FSTL4: variants seen among roughly 807,000 people sequenced by gnomAD.
The protein encoded by FSTL4 is follistatin-related protein 4.
In FSTL4, 28 loss-of-function variants were observed where a neutral mutation model predicts 78.2. The observed-to-expected ratio is 0.36, with a 90% CI of 0.27 to 0.49. The LOEUF (loss-of-function observed/expected upper bound fraction) is 0.49, where lower values mean the gene tolerates loss of function less well. Among genes scored for constraint, FSTL4 ranks in the 20% least tolerant of loss-of-function variants. The pLI, the probability that FSTL4 is intolerant of heterozygous loss-of-function variation, is 0.98. For missense variants in FSTL4, 922 were observed against 1,084.9 expected, an observed-to-expected ratio of 0.85 and a Z score of 2.11; for synonymous variants, 422 against 440.5, an observed-to-expected ratio of 0.96 and a Z score of 0.53.
At chr5:133,736,849 A>C in the FSTL4 span, among the ~76,000 whole-genome samples, 1 of 152,202 alleles carries the variant, frequency 6.6e-6, no homozygotes, top group Non-Finnish European at 1.5e-5. Context: ...TCATAGGTCC[A>C]GCAATGTGAG....
chr5:133,358,403 G>C (rs1301012950), intron 4 of FSTL4, among the ~76,000 whole-genome samples: 4 of 152,012 alleles, frequency 2.6e-5, no homozygotes, highest in Admixed American at 2.6e-4. Context: ...ACGGCCTTAC[G>C]TGTTGTTCTC....
At chr5:133,232,810 C>G (rs538137059) in intron 8 of FSTL4, among the ~76,000 whole-genome samples, 1 of 152,294 alleles carries the variant, frequency 6.6e-6, no homozygotes, top group South Asian at 2.1e-4. Context: ...GCTGGGAAAA[C>G]CCTGGCTACT....
intron 7 of FSTL4, among the ~76,000 whole-genome samples, chr5:133,249,086 C>T (rs552348773): frequency 6.6e-6 from 1 of 152,350 alleles, no homozygotes; most frequent in African/African-American, 2.4e-5. Flanking sequence ...TCTCTCTGAG[C>T]CCTGTGAGCA....
chr5:133,604,829 T>G (rs545744429), intron 1 of FSTL4, among the ~76,000 whole-genome samples: 1 of 152,156 alleles, frequency 6.6e-6, no homozygotes, highest in East Asian at 1.9e-4. Context: ...TATCTTAGTT[T>G]CAAGACCAAC....
chr5:133,426,139 CT>C lies in FSTL4; in HGVS notation c.161-25154del, dbSNP rs1291568290. 6.6e-6 allele frequency among the ~76,000 whole-genome samples: 1 copy of C among 152,172 alleles called. No individual in the cohort carries two copies. Among genetic ancestry groups the C allele is most frequent in the Non-Finnish European group, 1.5e-5 (1 of 68,032 alleles). On this transcript the variant is annotated intron_variant, in intron 3 of 15. Coordinates refer to ENST00000265342, the MANE Select transcript of FSTL4 (RefSeq NM_015082.2). This position sits in a 1 kb window ranked among gnomAD's most constrained non-coding sequence, Gnocchi z 5.0. ...TGCCCCAACATCCCTGAGAGTGTGC[CT>C]TTGATCTCAAAAGAAGTCATCTTTC...
rs899724634 is a variant in FSTL4 at position 133,612,339 on chromosome 5, G to A, written c.-25C>T. The A allele has an allele frequency of 6.7e-6, 1 of 149,528 alleles. No individual in the cohort carries two copies. Among genetic ancestry groups the A allele is most frequent in the Non-Finnish European group, 1.5e-5 (1 of 67,080 alleles). 9.3% of individuals were successfully genotyped at this position (149,528 alleles called of 1,614,324 possible). A position where few individuals can be genotyped will look rare whatever the true frequency, so the allele number is the denominator to read the frequency against. On this transcript the variant is annotated 5_prime_UTR_variant, in exon 1 of 16. Transcript: ENST00000265342. The surrounding 1 kb of genome is among the most constrained non-coding windows in gnomAD (Gnocchi z 6.2). ...CGCCCGCGTACCTGAGACGGCCGGG[G>A]CCGAGGGGAAGACCAGGTGGCCGGA...
In FSTL4 at chr5:133,289,810, G is replaced by C. The variant is rs60937095; in HGVS notation, c.727+22844C>G. On this transcript the variant is annotated intron_variant, in intron 6 of 15. Coordinates refer to ENST00000265342, the MANE Select transcript of FSTL4 (RefSeq NM_015082.2). ...ACCATGTCTCAGTGATGGGTGGGGG[G>C]ACTTATTTCATCTGGCTCAGCCAGG... 3.3e-3 allele frequency among the ~76,000 whole-genome samples: 495 copies of C among 152,294 alleles called. 2 individuals are homozygous for C. The highest frequency in any genetic ancestry group is 0.011 in the African/African-American group (473 of 41,554).
chr5:133,341,858 T>C (rs533515078), intron 4 of FSTL4, among the ~76,000 whole-genome samples: 1 of 152,320 alleles, frequency 6.6e-6, no homozygotes, highest in Non-Finnish European at 1.5e-5. Context: ...ATCTTATTGA[T>C]GTAGCTGTGG....
the FSTL4 span, among the ~76,000 whole-genome samples, chr5:133,811,515 C>T: frequency 6.6e-6 from 1 of 152,246 alleles, no homozygotes; most frequent in South Asian, 2.1e-4. Flanking sequence ...ATGTCTTACA[C>T]ACCCAACCCT....
chr5:133,283,268 G>C (rs1383796685), intron 6 of FSTL4, among the ~76,000 whole-genome samples: 1 of 151,700 alleles, frequency 6.6e-6, no homozygotes. Flanking sequence ...GTGTGTCTGT[G>C]TGTGTGTGTG....
intron 3 of FSTL4, among the ~76,000 whole-genome samples, chr5:133,463,211 C>T (rs1757632726): frequency 6.6e-6 from 1 of 152,164 alleles, no homozygotes; most frequent in African/African-American, 2.4e-5. Context: ...TTTAGTCAGG[C>T]TTTTTTGAGC....
At chr5:133,541,784 T>C (rs1759477834) in intron 3 of FSTL4, among the ~76,000 whole-genome samples, 1 of 152,184 alleles carries the variant, frequency 6.6e-6, no homozygotes, top group African/African-American at 2.4e-5. Flanking sequence ...AGATTCATTG[T>C]ATACTTTTTC....
At chr5:133,203,998 A>G (rs113037107) in intron 14 of FSTL4, among the ~76,000 whole-genome samples, 2,117 of 152,132 alleles carry the variant, frequency 0.014, 52 homozygotes, top group African/African-American at 0.048. Context: ...AGCCCCTCAC[A>G]TTTGCTGCCG....
intron 2 of FSTL4, among the ~76,000 whole-genome samples, chr5:133,597,010 G>A (rs1035256538): frequency 6.6e-6 from 1 of 152,036 alleles, no homozygotes; most frequent in African/African-American, 2.4e-5. Context: ...TCAGCCACCT[G>A]GCCACACTTC....
At chr5:133,516,855 A>C (rs1425555680) in intron 3 of FSTL4, among the ~76,000 whole-genome samples, 6 of 152,186 alleles carry the variant, frequency 3.9e-5, no homozygotes. Context: ...GAAAAAAAGA[A>C]AGGATATGTC....
At chr5:133,619,764 T>G in the FSTL4 span, among the ~76,000 whole-genome samples, 2 of 152,226 alleles carry the variant, frequency 1.3e-5, no homozygotes, top group South Asian at 2.1e-4. Flanking sequence ...TGCACATACA[T>G]CAGCATTGCC....
At chr5:133,472,450 A>G (rs1445014156) in intron 3 of FSTL4, among the ~76,000 whole-genome samples, 2 of 152,216 alleles carry the variant, frequency 1.3e-5, no homozygotes, top group Non-Finnish European at 2.9e-5. Flanking sequence ...GAGGCTCCAG[A>G]AGAAAGGACT....
intron 8 of FSTL4, among the ~76,000 whole-genome samples, chr5:133,232,312 C>T (rs1324753818): frequency 6.6e-6 from 1 of 152,182 alleles, no homozygotes; most frequent in Non-Finnish European, 1.5e-5. Context: ...AAGGTGGTGG[C>T]CCCGCCTGTG....
At chr5:133,760,377 C>T in the FSTL4 span, among the ~76,000 whole-genome samples, 1 of 152,216 alleles carries the variant, frequency 6.6e-6, no homozygotes, top group Non-Finnish European at 1.5e-5. Context: ...TACTGACTTC[C>T]TCATGGCCTT....
Sources: allele counts gnomAD v4.1 joint callset (sites outside exome capture counted in the v4.1 genomes callset), GRCh38; gene constraint gnomAD v4.1.1; non-coding constraint Gnocchi (gnomAD v3.1); transcripts MANE v1.5; gene names NCBI Gene and HGNC (gene_info 2026-07-23, HGNC 2026-07-21).